The following FUZ variants were observed in gnomAD, a reference collection of about 807,000 sequenced individuals.
The protein encoded by FUZ is protein fuzzy homolog.
Under a neutral mutation model 43.1 loss-of-function variants are expected in FUZ, and 31 were observed. The ratio of observed to expected loss-of-function variants is 0.72; its 90% CI spans 0.54 to 0.97. The LOEUF (loss-of-function observed/expected upper bound fraction) is 0.97, where lower values mean the gene tolerates loss of function less well. Ranked by LOEUF, FUZ falls within the 50% of genes least tolerant of loss-of-function variation. FUZ has a pLI of 0.00. For missense variants in FUZ, 539 were observed against 543.8 expected (o/e 0.99, Z 0.09); for synonymous variants, 274 against 250.0 (o/e 1.10, Z -0.91).
Position 49,808,749 on chromosome 19 carries a change from G to T in FUZ, c.861C>A (p.Pro287=). 1 of 1,582,760 alleles carries T rather than the reference G, an allele frequency of 6.3e-7. No individual in the cohort carries two copies. The highest frequency in any genetic ancestry group is 2.3e-5 in the East Asian group (1 of 43,190). The part of the protein sequence containing the change: ...ACLPLGPRAL[P]SGFPLHTDIL... ...TGTCTGTGTGAAGGGGGAAGCCACT[G>T]GGCAGCGCCCGGGGTCCCAACGGCA... The change falls in exon 8 of 11, where the codon CCC becomes CCA. Residue 287 remains proline (P), a synonymous_variant. Coordinates refer to ENST00000313777, the MANE Select transcript of FUZ (RefSeq NM_025129.5).
Position 49,807,274 on chromosome 19 carries a change from C to T in FUZ, c.1134G>A (p.Val378=). 1.2e-6 allele frequency: 2 copies of T among 1,613,366 alleles called. No homozygotes were observed. The highest frequency in any genetic ancestry group is 2.7e-5 in the African/African-American group (2 of 74,958). ...VLGTEEPGTG[V]RLVALQLGLR... ...GCCCCAGCTGCAAGGCCACCAGACG[C>T]ACTCCTGTGCCTGGTTCCTCAGTCC... Residue 378 remains valine (V), a synonymous_variant, in exon 11 of 11, where the codon GTG becomes GTA. Coordinates refer to ENST00000313777, the MANE Select transcript of FUZ (RefSeq NM_025129.5).
rs779584717 is a variant in FUZ at position 49,807,065 on chromosome 19, A to C, written c.*86T>G. ...TTGTAGCCCCTCCTACCCCCTCCCCATCCAGGGGCTGTGTATTATTGTGAG... is the reference window on the plus strand; with the variant it reads ...TTGTAGCCCCTCCTACCCCCTCCCCCTCCAGGGGCTGTGTATTATTGTGAG... On this transcript the variant is annotated 3_prime_UTR_variant, in exon 11 of 11. Transcript: ENST00000313777. 333 of 991,622 alleles carry C rather than the reference A, an allele frequency of 3.4e-4. 2 individuals are homozygous for C. The highest frequency in any genetic ancestry group is 4.0e-4 in the Non-Finnish European group (299 of 743,872). The allele number at this position is 991,622 out of a possible 1,614,324, so 61.4% of individuals were successfully genotyped here.
Position 49,809,296 on chromosome 19 carries a change from GCCCCTTTCCAT to G in FUZ, c.691-49_691-39del, listed in dbSNP as rs2073628255. The G allele has an allele frequency of 6.5e-6, 10 of 1,549,008 alleles. No individual in the cohort carries two copies. Among genetic ancestry groups the G allele is most frequent in the Non-Finnish European group, 8.7e-6 (10 of 1,146,372 alleles). ...ACAGGCTGGGGCTCATCGCGGCCCG[GCCCCTTTCCAT>G]CGCAGATCCCGCCTCCTCGCGACTC... is the stretch of plus-strand genomic sequence containing the variant. On this transcript the variant is annotated intron_variant, in intron 6 of 10. Transcript: ENST00000313777. The surrounding 1 kb of genome is among the most constrained non-coding windows in gnomAD (Gnocchi z 5.1).
Position 49,808,436 on chromosome 19 carries a change from G to A in FUZ, c.1011C>T (p.Val337=). 6.2e-7 allele frequency: 1 copy of A among 1,612,578 alleles called. No individual in the cohort carries two copies. The highest frequency in any genetic ancestry group is 8.5e-7 in the Non-Finnish European group (1 of 1,179,642). Residue 337 remains valine (V), a synonymous_variant, in exon 10 of 11, where the codon GTC becomes GTT. Coordinates refer to ENST00000313777, the MANE Select transcript of FUZ (RefSeq NM_025129.5). ...RRLLRNFYTL[V]TSTHFPPEPG... ...GACCTGGTGGGAAGTGCGTGGAGGTGACCAGGGTATAGAAGTTTCGGAGGA... is the reference window on the plus strand; with the variant it reads ...GACCTGGTGGGAAGTGCGTGGAGGTAACCAGGGTATAGAAGTTTCGGAGGA...
At position 49,809,633 on chromosome 19, in the gene FUZ, G is replaced by A; in HGVS notation, c.493-58C>T. 6.6e-7 allele frequency: 1 copy of A among 1,513,720 alleles called. No individual in the cohort carries two copies. Among genetic ancestry groups the A allele is most frequent in the Non-Finnish European group, 8.9e-7 (1 of 1,125,750 alleles). 93.8% of individuals were successfully genotyped at this position (1,513,720 alleles called of 1,614,324 possible). A position where few individuals can be genotyped will look rare whatever the true frequency, so the allele number is the denominator to read the frequency against. On this transcript the variant is annotated intron_variant, in intron 5 of 10. Coordinates refer to ENST00000313777, the MANE Select transcript of FUZ (RefSeq NM_025129.5). The surrounding 1 kb of genome is among the most constrained non-coding windows in gnomAD (Gnocchi z 5.1). ...GCAGACAAGCGTAGGGGGTGGCAGC[G>A]ACTTCCCAGATGGGCAGGGAATGGG...
chr19:49,808,826 G>C lies in FUZ; in HGVS notation c.787-3C>G. 1 of 1,546,116 alleles carries C rather than the reference G, an allele frequency of 6.5e-7. No individual in the cohort carries two copies. Among genetic ancestry groups the C allele is most frequent in the Non-Finnish European group, 8.7e-7 (1 of 1,147,332 alleles). On this transcript the variant is annotated splice_polypyrimidine_tract_variant and splice_region_variant and intron_variant, in intron 7 of 10. Coordinates refer to ENST00000313777, the MANE Select transcript of FUZ (RefSeq NM_025129.5). ...GGCTGCCACCAGCGCTCCAGAAGCTGCAGGGGGCGTGGTCATTGTGAGGTC... is the reference window on the plus strand; with the variant it reads ...GGCTGCCACCAGCGCTCCAGAAGCTCCAGGGGGCGTGGTCATTGTGAGGTC...
chr19:49,806,947 TA>T lies in FUZ; in HGVS notation c.*203del, dbSNP rs2073409208. The T allele has an allele frequency of 3.3e-6, 5 of 1,533,858 alleles. No homozygotes were observed. Among genetic ancestry groups the T allele is most frequent in the South Asian group, 1.2e-5 (1 of 83,154 alleles). On this transcript the variant is annotated 3_prime_UTR_variant, in exon 11 of 11. Coordinates refer to ENST00000313777, the MANE Select transcript of FUZ (RefSeq NM_025129.5). ...TGCTGCTGTTTACATTCTGGGGGGT[TA>T]GGGGGAGTCCCCCTCCCTCCCTTTC... is the stretch of plus-strand genomic sequence containing the variant.
rs1313136335 is a variant in FUZ at position 49,809,734 on chromosome 19, T to G, written c.493-159A>C. On this transcript the variant is annotated intron_variant, in intron 5 of 10. Coordinates refer to ENST00000313777, the MANE Select transcript of FUZ (RefSeq NM_025129.5). The surrounding 1 kb of genome is among the most constrained non-coding windows in gnomAD (Gnocchi z 5.1). ...CTCACCCTCTCTGAGCCTGAGTTCCTTCACTTTCATACGAAGTCACATCCC... is the reference window on the plus strand; with the variant it reads ...CTCACCCTCTCTGAGCCTGAGTTCCGTCACTTTCATACGAAGTCACATCCC... 16 of 698,896 alleles carry G rather than the reference T, an allele frequency of 2.3e-5. No homozygotes were observed. The East Asian group carries it at 3.8e-4, about 17-fold the overall frequency. 43.3% of individuals were successfully genotyped at this position (698,896 alleles called of 1,614,324 possible). A position where few individuals can be genotyped will look rare whatever the true frequency, so the allele number is the denominator to read the frequency against.
Position 49,806,877 on chromosome 19 carries a change from C to T in FUZ, c.*274G>A, listed in dbSNP as rs1431012237. The T allele has an allele frequency of 1.3e-6, 2 of 1,563,932 alleles. No homozygotes were observed. The highest frequency in any genetic ancestry group is 1.7e-6 in the Non-Finnish European group (2 of 1,159,096). On this transcript the variant is annotated 3_prime_UTR_variant, in exon 11 of 11. Transcript: ENST00000313777. ...AGAAGACACCAGGGTTTGGGGGATG[C>T]CTGGGACTTTCCTCCGGCCTTTTGT...
In FUZ at chr19:49,813,086, G is replaced by C; in HGVS notation, c.21C>G (p.Gly7=). 6.4e-7 allele frequency: 1 copy of C among 1,551,318 alleles called. No individual in the cohort carries two copies. The highest frequency in any genetic ancestry group is 8.7e-7 in the Non-Finnish European group (1 of 1,146,938). The change falls in exon 1 of 11, where the codon GGC becomes GGG. Residue 7 remains glycine (G), a synonymous_variant. Coordinates refer to ENST00000313777, the MANE Select transcript of FUZ (RefSeq NM_025129.5). MGEEGT[G]GTVHLLCLAA... is the part of the protein sequence containing the mutation. Reference sequence around the variant, plus strand: ...CGAGGCACAGCAGATGCACAGTGCCGCCCGTCCCCTCCTCCCCCATTTAGG... The same window carrying C: ...CGAGGCACAGCAGATGCACAGTGCCCCCCGTCCCCTCCTCCCCCATTTAGG...
chr19:49,812,906 CT>C, intron 1 of FUZ, 89 bp downstream of exon 1: 1 of 1,381,306 alleles, frequency 7.2e-7, no homozygotes, highest in Non-Finnish European at 1.0e-6. Context: ...AAATTCAACA[CT>C]GAAACTTCCC....
chr19:49,812,977 C>G lies in FUZ; in HGVS notation c.111+19G>C. ...CACCGAACCCCCTTCGGTTTAGATA[C>G]AGGCGTCCAAGGCCCCACCTGCTGA... On this transcript the variant is annotated intron_variant, in intron 1 of 10. Coordinates refer to ENST00000313777, the MANE Select transcript of FUZ (RefSeq NM_025129.5). 6.5e-7 allele frequency: 1 copy of G among 1,543,940 alleles called. No homozygotes were observed. Among genetic ancestry groups the G allele is most frequent in the Non-Finnish European group, 8.8e-7 (1 of 1,140,500 alleles).
In FUZ at chr19:49,813,249, CCTT is replaced by C. The variant is rs1180190442; in HGVS notation, c.-146_-144del. ...TGATTGGAAGAGGATTAACTTCCCG[CCTT>C]CTTCACCCAACTCAAACAGACCCTC... On this transcript the variant is annotated 5_prime_UTR_variant, in exon 1 of 11. Transcript: ENST00000313777. 2 of 771,136 alleles carry C rather than the reference CCTT, an allele frequency of 2.6e-6. No individual in the cohort carries two copies. Among genetic ancestry groups the C allele is most frequent in the African/African-American group, 1.7e-5 (1 of 58,402 alleles). The allele number at this position is 771,136 out of a possible 1,614,324, so 47.8% of individuals were successfully genotyped here. A position where few individuals can be genotyped will look rare whatever the true frequency, so the allele number is the denominator to read the frequency against.
rs1217702582 is a variant in FUZ, at chr19:49,812,238, T to C, written c.318+13A>G. On this transcript the variant is annotated intron_variant, in intron 3 of 10. Coordinates refer to ENST00000313777, the MANE Select transcript of FUZ (RefSeq NM_025129.5). ...TCCTGGTCTGGGGAGAAAAGAGGAC[T>C]GGTGAGTCTCACCATGGCTCCAAAC... 2 of 1,600,206 alleles carry C rather than the reference T, an allele frequency of 1.2e-6. No homozygotes were observed. The highest frequency in any genetic ancestry group is 3.3e-5 in the Admixed American group (2 of 59,766).
rs1046474080 is a variant in FUZ at position 49,806,975 on chromosome 19, C to T, written c.*176G>A. ...GGGGAGTCCCCCTCCCTCCCTTTCC[C>T]CCCCAAGCACAGAGGGGAGAGGGGC... On this transcript the variant is annotated 3_prime_UTR_variant, in exon 11 of 11. Transcript: ENST00000313777. 6 of 1,530,376 alleles carry T rather than the reference C, an allele frequency of 3.9e-6. No individual in the cohort carries two copies. In the African/African-American group the frequency reaches 5.5e-5, roughly 14 times the overall value. 94.8% of individuals were successfully genotyped at this position (1,530,376 alleles called of 1,614,324 possible).
In FUZ at chr19:49,807,221, G is replaced by A. The variant is rs2073430203; in HGVS notation, c.1187C>T (p.Pro396Leu). ...TCGCAGCCCATGGGTGGGACTCTGG[G>A]GAGACAGCAGCAGCAGCAGCCGCCG... Reference protein sequence around the residue: ...GLRRLLLLLSPQSPTHGLRSL... With the variant: ...GLRRLLLLLSLQSPTHGLRSL... Residue 396 changes from proline to leucine, a missense_variant, in exon 11 of 11, where the codon CCC becomes CTC. Transcript: ENST00000313777. The A allele has an allele frequency of 3.7e-6, 6 of 1,613,112 alleles. No homozygotes were observed. The highest frequency in any genetic ancestry group is 5.1e-6 in the Non-Finnish European group (6 of 1,179,840).
In FUZ at chr19:49,809,750, G is replaced by A; in HGVS notation, c.493-175C>T. 1.5e-6 allele frequency: 1 copy of A among 661,774 alleles called. No individual in the cohort carries two copies. The highest frequency in any genetic ancestry group is 2.7e-6 in the Non-Finnish European group (1 of 374,076). The allele number at this position is 661,774 out of a possible 1,614,324, so 41.0% of individuals were successfully genotyped here. ...CTGAGTTCCTTCACTTTCATACGAA[G>A]TCACATCCCCAACTCACACTGTGAA... On this transcript the variant is annotated intron_variant, in intron 5 of 10. Transcript: ENST00000313777. The surrounding 1 kb of genome is among the most constrained non-coding windows in gnomAD (Gnocchi z 5.1).
chr19:49,810,862 A>T (rs1192374239), intron 5 of FUZ, among the ~76,000 whole-genome samples: 1 of 151,458 alleles, frequency 6.6e-6, no homozygotes, highest in Admixed American at 6.6e-5. Context: ...AAAAGAAAGA[A>T]AGATGGCCCA....
chr19:49,809,273 A>C lies in FUZ; in HGVS notation c.691-15T>G, dbSNP rs760310743. 2 of 1,550,524 alleles carry C rather than the reference A, an allele frequency of 1.3e-6. No homozygotes were observed. Among genetic ancestry groups the C allele is most frequent in the Non-Finnish European group, 8.7e-7 (1 of 1,146,812 alleles). ...CGGTGTGGGACCTGAAGCAGGGCAC[A>C]GGCTGGGGCTCATCGCGGCCCGGCC... On this transcript the variant is annotated splice_polypyrimidine_tract_variant and intron_variant, in intron 6 of 10. Coordinates refer to ENST00000313777, the MANE Select transcript of FUZ (RefSeq NM_025129.5). The surrounding 1 kb of genome is among the most constrained non-coding windows in gnomAD (Gnocchi z 5.1).
Sources: allele counts gnomAD v4.1 joint callset (sites outside exome capture counted in the v4.1 genomes callset), GRCh38; gene constraint gnomAD v4.1.1; non-coding constraint Gnocchi (gnomAD v3.1); transcripts MANE v1.5; gene names NCBI Gene and HGNC (gene_info 2026-07-23, HGNC 2026-07-21).